The following DDI2 variants were observed in gnomAD, a reference collection of about 807,000 sequenced individuals.
DDI2 encodes the protein DDI proteasomal shuttling factor 2, also known as protein DDI1 homolog 2.
Under a neutral mutation model 48.1 loss-of-function variants are expected in DDI2, and 5 were observed. The observed-to-expected ratio is 0.10, with a 90% CI of 0.05 to 0.22. The LOEUF is 0.22. Among genes scored for constraint, DDI2 ranks in the 10% least tolerant of loss-of-function variants. The pLI, the probability that DDI2 is intolerant of heterozygous loss-of-function variation, is 1.00. For synonymous variants in DDI2, 205 were observed against 183.6 expected, an observed-to-expected ratio of 1.12 and a Z score of -0.94; for missense variants, 285 against 506.2, an observed-to-expected ratio of 0.56 and a Z score of 4.19.
intron 6 of DDI2, 95 bp from the exon 7 acceptor site, chr1:15,649,625 T>G: frequency 1.6e-6 from 2 of 1,229,054 alleles, no homozygotes; most frequent in Non-Finnish European, 2.2e-6. Context: ...CAGCCAGGAT[T>G]ATGCCATTGC....
chr1:15,656,885 T>C (rs1640281978), intron 9 of DDI2: 11 of 600,282 alleles, frequency 1.8e-5, no homozygotes, highest in Admixed American at 3.5e-5. Context: ...GGATTCGTTA[T>C]TAGAACCATC....
chr1:15,651,163 T>C (rs939149797), intron 7 of DDI2, among the ~76,000 whole-genome samples: 1 of 152,128 alleles, frequency 6.6e-6, no homozygotes, highest in African/African-American at 2.4e-5. Flanking sequence ...CACAGCATTC[T>C]AAATAGAACG....
intron 3 of DDI2, among the ~76,000 whole-genome samples, chr1:15,631,089 T>C (rs6429766): frequency 0.4 from 60,160 of 152,008 alleles, 15,161 homozygotes; most frequent in African/African-American, 0.71. Flanking sequence ...GTGATCCGCC[T>C]GCCTCGGCCT....
At chr1:15,640,468 TCAGCCCCAGGTCCCCTTGATGC>T (rs1358938935) in intron 5 of DDI2, among the ~76,000 whole-genome samples, 2 of 152,184 alleles carry the variant, frequency 1.3e-5, no homozygotes, top group African/African-American at 4.8e-5. Flanking sequence ...GGCTTTGGAT[TCAGCCCCAGGTCCCCTTGATGC>T]CAGAAATCTC....
At chr1:15,630,656 AT>A (rs1639828610) in intron 3 of DDI2, 95 bp downstream of exon 3, 1 of 863,264 alleles carries the variant, frequency 1.2e-6, no homozygotes, top group South Asian at 1.5e-5. Context: ...ACTGTGTCAC[AT>A]GATTTATTGA....
intron 8 of DDI2, 130 bp from the exon 9 acceptor site, chr1:15,656,487 A>G (rs1640275343): frequency 1.3e-6 from 2 of 1,583,818 alleles, no homozygotes; most frequent in Admixed American, 1.8e-5. Flanking sequence ...AACTACAGAA[A>G]CATCCCTCAA....
intron 1 of DDI2, among the ~76,000 whole-genome samples, chr1:15,625,088 A>C (rs554728900): frequency 5.9e-5 from 9 of 152,304 alleles, no homozygotes; most frequent in Admixed American, 5.9e-4. Context: ...TGGCATAATC[A>C]CTTTTTTTCC....
Position 15,626,726 on chromosome 1 carries a change from T to C in DDI2, c.196T>C (p.Leu66=), listed in dbSNP as rs1557612803. The C allele has an allele frequency of 6.2e-7, 1 of 1,614,192 alleles. No individual in the cohort carries two copies. The highest frequency in any genetic ancestry group is 8.5e-7 in the Non-Finnish European group (1 of 1,180,036). The change falls in exon 2 of 10, where the codon TTG becomes CTG. Residue 66 remains leucine (L), a synonymous_variant. Transcript: ENST00000480945. Reference sequence around the variant, plus strand: ...CCACAGATCATTGGCTTCTTATGGCTTGAAAGATGGGGACGTTGTGATTTT... The same window carrying C: ...CCACAGATCATTGGCTTCTTATGGCCTGAAAGATGGGGACGTTGTGATTTT... The part of the protein sequence containing the change: ...DNHRSLASYG[L]KDGDVVILRQ...
intron 1 of DDI2, among the ~76,000 whole-genome samples, chr1:15,625,575 C>G (rs1639739779): frequency 6.6e-6 from 1 of 151,884 alleles, no homozygotes; most frequent in Non-Finnish European, 1.5e-5. Flanking sequence ...CTTTTTTCCA[C>G]TTGTATTTAG....
At chr1:15,619,764 C>A (rs1639628264) in intron 1 of DDI2, among the ~76,000 whole-genome samples, 1 of 152,076 alleles carries the variant, frequency 6.6e-6, no homozygotes, top group African/African-American at 2.4e-5. Flanking sequence ...GTGGCTTTTT[C>A]AATTGTTTTT....
At chr1:15,647,620 T>C (rs1320604228) in intron 6 of DDI2, among the ~76,000 whole-genome samples, 1 of 152,178 alleles carries the variant, frequency 6.6e-6, no homozygotes, top group African/African-American at 2.4e-5. Context: ...TGAATGAATA[T>C]TCATCTTAGT....
intron 8 of DDI2, among the ~76,000 whole-genome samples, chr1:15,652,575 G>A (rs1019276459): frequency 6.6e-6 from 1 of 151,198 alleles, no homozygotes; most frequent in East Asian, 2.0e-4. Context: ...TGTAATCCCA[G>A]CACTTTGGGA....
At position 15,617,704 on chromosome 1, in the gene DDI2, C is replaced by T. The variant is rs774392792; in HGVS notation, c.34C>T (p.Leu12Phe). Residue 12 changes from leucine to phenylalanine, a missense_variant, in exon 1 of 10, where the codon CTC (leucine) becomes TTC (phenylalanine). Coordinates refer to ENST00000480945, the MANE Select transcript of DDI2 (RefSeq NM_032341.5). ...CACCGTGTACTGTGTGCGGAGGGAC[C>T]TCTCCGAGGTGACCTTTTCCCTCCA... is the stretch of plus-strand genomic sequence containing the variant. ...LLTVYCVRRD[L>F]SEVTFSLQVD... 4 of 1,608,938 alleles carry T rather than the reference C, an allele frequency of 2.5e-6. No individual in the cohort carries two copies. Among genetic ancestry groups the T allele is most frequent in the Non-Finnish European group, 2.5e-6 (3 of 1,177,988 alleles).
Position 15,631,172 on chromosome 1 carries a change from T to C in DDI2, c.505+611T>C, listed in dbSNP as rs145328363. Among the ~76,000 whole-genome samples the C allele has an allele frequency of 1.1e-3, 162 of 151,580 alleles. 2 individuals are homozygous for C. Among genetic ancestry groups the C allele is most frequent in the African/African-American group, 3.7e-3 (152 of 41,252 alleles). On this transcript the variant is annotated intron_variant, in intron 3 of 9. Transcript: ENST00000480945. ...CCGATATTTTAACCTTAGTTAGATC[T>C]TCAATTAAAGAGATCATCAACAAGC...
rs1640443644 is a variant in DDI2, at chr1:15,665,766, A to G, written c.*5976A>G. 6.6e-6 allele frequency: 1 copy of G among 152,216 alleles called. No individual in the cohort carries two copies. The highest frequency in any genetic ancestry group is 2.4e-5 in the African/African-American group (1 of 41,470). The allele number at this position is 152,216 out of a possible 1,614,324, so 9.4% of individuals were successfully genotyped here. On this transcript the variant is annotated 3_prime_UTR_variant, in exon 10 of 10. Coordinates refer to ENST00000480945, the MANE Select transcript of DDI2 (RefSeq NM_032341.5). ...CAAACAGCCTTGCAAATCATCGGCC[A>G]GAAAAGCTGCAGGGCGTTGCAATGG...
At chr1:15,649,645 T>C (rs964929216) in intron 6 of DDI2, 75 bp from the exon 7 acceptor site, 10 of 1,471,542 alleles carry the variant, frequency 6.8e-6, no homozygotes, top group Non-Finnish European at 9.2e-6. Flanking sequence ...CACTCCAGCC[T>C]GGGCAACAAG....
At chr1:15,649,926 CG>C (rs1640152076) in intron 7 of DDI2, 103 bp downstream of exon 7, 4 of 1,145,634 alleles carry the variant, frequency 3.5e-6, no homozygotes, top group Non-Finnish European at 4.8e-6. Context: ...TAAGAAATAA[CG>C]ACTTTTCAAA....
chr1:15,657,556 C>T (rs1014461106), intron 9 of DDI2, among the ~76,000 whole-genome samples: 1 of 152,214 alleles, frequency 6.6e-6, no homozygotes, highest in Admixed American at 6.5e-5. Flanking sequence ...AACTGACCTT[C>T]TCAGCTACAA....
At chr1:15,648,511 G>A (rs1175251360) in intron 6 of DDI2, among the ~76,000 whole-genome samples, 1 of 152,094 alleles carries the variant, frequency 6.6e-6, no homozygotes, top group Admixed American at 6.5e-5. Context: ...TTTGGCGTGG[G>A]CCCTATATTG....
Sources: gnomAD v4.1 joint callset for allele counts (sites outside exome capture counted in the v4.1 genomes callset) on GRCh38, gnomAD v4.1.1 for gene constraint, MANE v1.5 for transcripts, NCBI Gene and HGNC (gene_info 2026-07-23, HGNC 2026-07-21) for gene names.